Variants in LRP1B observed in about 807,000 individuals in gnomAD.
LRP1B encodes LDL receptor related protein 1B.
In LRP1B, 217 loss-of-function variants were observed where a neutral mutation model predicts 556.6. That is an observed-to-expected ratio of 0.39 (90% CI 0.35 to 0.44). The LOEUF (loss-of-function observed/expected upper bound fraction) is 0.44. Among genes scored for constraint, LRP1B ranks in the 20% least tolerant of loss-of-function variants. The pLI is 1.00. For missense variants in LRP1B, 5,053 were observed against 5,620.8 expected (o/e 0.90, Z 3.23); for synonymous variants, 2,047 against 1,865.8 (o/e 1.10, Z -2.50).
chr2:140,258,948 T>C (rs922679398), intron 86 of LRP1B, among the ~76,000 whole-genome samples: 5 of 152,164 alleles, frequency 3.3e-5, no homozygotes, highest in Admixed American at 2.6e-4. Flanking sequence ...TTCTATCAGA[T>C]GACTATGTCA....
At chr2:141,989,783 C>G (rs895883930) in intron 1 of LRP1B, among the ~76,000 whole-genome samples, 39 of 152,030 alleles carry the variant, frequency 2.6e-4, no homozygotes, top group Non-Finnish European at 5.0e-4. Flanking sequence ...TTTTAAGTTT[C>G]CTGAGGCCTC....
intron 3 of LRP1B, among the ~76,000 whole-genome samples, chr2:141,318,169 A>G (rs1424495601): frequency 6.6e-6 from 1 of 152,180 alleles, no homozygotes; most frequent in Non-Finnish European, 1.5e-5. Context: ...CTTGACAAAC[A>G]TTAGATTTGC....
At chr2:141,891,097 C>T (rs1447815161) in intron 1 of LRP1B, among the ~76,000 whole-genome samples, 1 of 152,022 alleles carries the variant, frequency 6.6e-6, no homozygotes, top group Non-Finnish European at 1.5e-5. Context: ...CAGCATGCCA[C>T]TGGATGAAAT....
At chr2:140,446,179 T>G (rs1686652295) in intron 63 of LRP1B, among the ~76,000 whole-genome samples, 1 of 152,120 alleles carries the variant, frequency 6.6e-6, no homozygotes, top group Admixed American at 6.6e-5. Flanking sequence ...TTTCCTCTAT[T>G]TCATTTTGCT....
chr2:141,958,409 T>C (rs1052678280), intron 1 of LRP1B, among the ~76,000 whole-genome samples: 28 of 151,986 alleles, frequency 1.8e-4, no homozygotes, highest in African/African-American at 6.3e-4. Context: ...TCTAAAAGAC[T>C]TTGGGTTTTT....
intron 2 of LRP1B, among the ~76,000 whole-genome samples, chr2:141,774,823 A>AG (rs1448766787): frequency 6.6e-6 from 1 of 152,158 alleles, no homozygotes; most frequent in Non-Finnish European, 1.5e-5. Flanking sequence ...AGAGAGACCC[A>AG]GGGGAGTGAT....
chr2:140,791,576 A>G (rs945533344), intron 32 of LRP1B, among the ~76,000 whole-genome samples: 5 of 152,090 alleles, frequency 3.3e-5, no homozygotes, highest in African/African-American at 4.8e-5. Flanking sequence ...CAATCTCTGC[A>G]CTCTCTGGTT....
chr2:141,986,587 T>C (rs2105106077), intron 1 of LRP1B, among the ~76,000 whole-genome samples: 1 of 152,124 alleles, frequency 6.6e-6, no homozygotes, highest in African/African-American at 2.4e-5. Context: ...CTAACATATA[T>C]TTTGATCTTA....
intron 66 of LRP1B, among the ~76,000 whole-genome samples, chr2:140,436,608 CT>C (rs56972100): frequency 0.26 from 35,785 of 139,080 alleles, 4,508 homozygotes; most frequent in Non-Finnish European, 0.3. Flanking sequence ...TGCTCACTGT[CT>C]TTTTTTTTTT....
At chr2:141,250,188 G>C (rs2105332641) in intron 4 of LRP1B, among the ~76,000 whole-genome samples, 1 of 152,244 alleles carries the variant, frequency 6.6e-6, no homozygotes, top group Admixed American at 6.5e-5. Context: ...TTGAGTAATA[G>C]GATTGTCTTT....
chr2:141,173,617 GT>G (rs1265089338), intron 7 of LRP1B, among the ~76,000 whole-genome samples: 3 of 152,064 alleles, frequency 2.0e-5, no homozygotes, highest in Admixed American at 6.6e-5. Flanking sequence ...TTTCTCACTT[GT>G]TCCTCCTGCA....
In LRP1B at chr2:141,452,992, C is replaced by T. The variant is rs142383546; in HGVS notation, c.343+27404G>A. On this transcript the variant is annotated intron_variant, in intron 3 of 90. Coordinates refer to ENST00000389484, the MANE Select transcript of LRP1B (RefSeq NM_018557.3). ...AGCTCACACCTGTAATCCCAGCACT[C>T]TGGGAGGCTGAGGTCGGCAGATCAC... 8.3e-3 allele frequency among the ~76,000 whole-genome samples: 1,266 copies of T among 152,138 alleles called. 23 individuals carry two copies. Among genetic ancestry groups the T allele is most frequent in the African/African-American group, 0.027 (1,122 of 41,506 alleles).
At chr2:141,430,079 A>T (rs1680509235) in intron 3 of LRP1B, among the ~76,000 whole-genome samples, 3 of 152,160 alleles carry the variant, frequency 2.0e-5, no homozygotes, top group African/African-American at 7.2e-5. Flanking sequence ...AACTCTCACT[A>T]ACTAGCCTAA....
At chr2:140,796,931 T>A (rs1690336794) in intron 32 of LRP1B, among the ~76,000 whole-genome samples, 1 of 151,668 alleles carries the variant, frequency 6.6e-6, no homozygotes, top group Admixed American at 6.6e-5. Context: ...ATATGTTATT[T>A]GTCATGCTTC....
chr2:141,401,076 A>G (rs1197901699), intron 3 of LRP1B, among the ~76,000 whole-genome samples: 1 of 152,214 alleles, frequency 6.6e-6, no homozygotes, highest in Non-Finnish European at 1.5e-5. Context: ...TTAAAAATTC[A>G]CAGTGTTTTG....
At chr2:140,253,401 GAAAT>G (rs752369774) in intron 86 of LRP1B, among the ~76,000 whole-genome samples, 120 of 152,014 alleles carry the variant, frequency 7.9e-4, no homozygotes, top group Admixed American at 2.8e-3. Context: ...GGCCATGAAA[GAAAT>G]AAAATTAATA....
intron 65 of LRP1B, 84 bp from the exon 66 acceptor site, chr2:140,442,707 G>C: frequency 7.2e-7 from 1 of 1,381,610 alleles, no homozygotes; most frequent in Admixed American, 2.0e-5. Context: ...AAATGTTTAA[G>C]ACAGTTTATC....
chr2:140,887,452 A>G (rs72990109), intron 23 of LRP1B, among the ~76,000 whole-genome samples: 4,774 of 152,248 alleles, frequency 0.031, 232 homozygotes, highest in African/African-American at 0.11. Flanking sequence ...ATTTCTTGGA[A>G]AGATGATTTT....
intron 7 of LRP1B, among the ~76,000 whole-genome samples, chr2:141,145,767 G>A (rs1009643809): frequency 2.6e-5 from 4 of 151,380 alleles, no homozygotes; most frequent in African/African-American, 9.7e-5. Flanking sequence ...TCCTGACCTC[G>A]GGTGATCCGC....
Sources: allele counts gnomAD v4.1 joint callset (sites outside exome capture counted in the v4.1 genomes callset), GRCh38; gene constraint gnomAD v4.1.1; transcripts MANE v1.5; gene names NCBI Gene and HGNC (gene_info 2026-07-23, HGNC 2026-07-21).